The following GNAS variants were observed in gnomAD, a reference collection of about 807,000 sequenced individuals.
GNAS encodes the protein protein ALEX.
In GNAS, 8 loss-of-function variants were observed where a neutral mutation model predicts 54.5. The ratio of observed to expected loss-of-function variants is 0.15; its 90% CI spans 0.09 to 0.26. The LOEUF (loss-of-function observed/expected upper bound fraction) is 0.26. Ranked by LOEUF, GNAS falls within the 10% of genes least tolerant of loss-of-function variation. The pLI is 1.00. For synonymous variants in GNAS, 204 were observed against 191.4 expected (o/e 1.07, Z -0.54); for missense variants, 170 against 529.8 (o/e 0.32, Z 6.67).
At chr20:58,840,400 C>G (rs1800902), upstream of GNAS, 1 of 1,613,496 alleles carries the variant, frequency 6.2e-7, no homozygotes, top group South Asian at 1.1e-5. The surrounding 1 kb of genome is among the most constrained non-coding windows in gnomAD (Gnocchi z 6.0). Flanking sequence ...TGTCCCTCCC[C>G]GAGTGCCTAG....
At chr20:58,849,246 TGCA>T (rs2086056587) in intron 1 of GNAS, among the ~76,000 whole-genome samples, 1 of 152,130 alleles carries the variant, frequency 6.6e-6, no homozygotes, top group Non-Finnish European at 1.5e-5. Context: ...ATACCACCAG[TGCA>T]GAGGCTAAAA....
intron 1 of GNAS, among the ~76,000 whole-genome samples, chr20:58,862,074 C>CT (rs1056145168): frequency 7.2e-5 from 11 of 152,154 alleles, no homozygotes; most frequent in African/African-American, 2.4e-4. Context: ...AATCTGGAGT[C>CT]TTTTTTAAAG....
chr20:58,855,067 G>A (rs1376619714), intron 1 of GNAS: 2 of 1,613,248 alleles, frequency 1.2e-6, no homozygotes, highest in South Asian at 1.1e-5. Context: ...CGCCGCCGCC[G>A]AAAGCCCCAG....
chr20:58,904,482 C>T (rs1167218175), intron 5 of GNAS, among the ~76,000 whole-genome samples: 1 of 152,244 alleles, frequency 6.6e-6, no homozygotes. Context: ...GAACAAAAAA[C>T]TGTTCAAGCC....
chr20:58,850,116 C>A (rs1012140586), intron 1 of GNAS, among the ~76,000 whole-genome samples: 4 of 152,154 alleles, frequency 2.6e-5, no homozygotes, highest in Non-Finnish European at 5.9e-5. Context: ...GTGGGCAAAC[C>A]GTCTCCCATC....
intron 1 of GNAS, among the ~76,000 whole-genome samples, chr20:58,850,102 C>G (rs2086097834): frequency 6.6e-6 from 1 of 152,138 alleles, no homozygotes; most frequent in Non-Finnish European, 1.5e-5. Flanking sequence ...ATCCTTTGTT[C>G]GTGGTGGGCA....
Position 58,853,319 on chromosome 20 carries a change from C to G in GNAS, c.43+12433C>G. The G allele has an allele frequency of 6.5e-7, 1 of 1,549,434 alleles. No individual in the cohort carries two copies. The highest frequency in any genetic ancestry group is 8.7e-7 in the Non-Finnish European group (1 of 1,145,866). ...ATAATATGTCAGGACAACGCGATAT[C>G]CCCCCTGAAATCGGGGAACAGCCCG... On this transcript the variant is annotated intron_variant, in intron 1 of 12. Transcript: ENST00000306090. The surrounding 1 kb of genome is among the most constrained non-coding windows in gnomAD (Gnocchi z 4.4).
At chr20:58,865,042 T>G (rs979110748) in intron 1 of GNAS, among the ~76,000 whole-genome samples, 2 of 152,132 alleles carry the variant, frequency 1.3e-5, no homozygotes, top group Non-Finnish European at 2.9e-5. Flanking sequence ...CCCTCATTGA[T>G]AACTACTGCC....
intron 1 of GNAS, chr20:58,855,124 T>C (rs776977948): frequency 6.2e-7 from 1 of 1,613,718 alleles, no homozygotes. Context: ...GGGGGCTGCT[T>C]CGGTCGATCT....
intron 1 of GNAS, chr20:58,850,894 G>C: frequency 2.5e-6 from 1 of 398,766 alleles, no homozygotes; most frequent in Non-Finnish European, 4.4e-6. Context: ...TTCCAACGCG[G>C]CGCCCCCTAT....
intron 1 of GNAS, chr20:58,892,155 C>T (rs542348535): frequency 1.7e-5 from 16 of 932,892 alleles, no homozygotes; most frequent in East Asian, 1.2e-4. Context: ...CGCTCTCCCC[C>T]TCTTTCTCTC....
rs1040085351 is a variant in GNAS at position 58,840,924 on chromosome 20, G to C, written c.43+38G>C. On this transcript the variant is annotated intron_variant, in intron 1 of 12. Coordinates refer to the GNAS transcript ENST00000306090. The surrounding 1 kb of genome is among the most constrained non-coding windows in gnomAD (Gnocchi z 6.0). ...CCGCTAAACTGGGGAGCCTGAGGGC[G>C]GTGTGGGAGCAGCGCAGGTGGAAAG... 2 of 1,606,838 alleles carry C rather than the reference G, an allele frequency of 1.2e-6. No individual in the cohort carries two copies. Among genetic ancestry groups the C allele is most frequent in the Admixed American group, 1.7e-5 (1 of 59,436 alleles).
At chr20:58,847,945 C>G (rs1225061101) in intron 1 of GNAS, among the ~76,000 whole-genome samples, 1 of 152,206 alleles carries the variant, frequency 6.6e-6, no homozygotes, top group Admixed American at 6.5e-5. Flanking sequence ...AGAGGTGAGA[C>G]TGTTTGGGAG....
intron 1 of GNAS, among the ~76,000 whole-genome samples, chr20:58,847,681 G>A (rs1323394292): frequency 1.3e-5 from 2 of 152,172 alleles, no homozygotes; most frequent in East Asian, 1.9e-4. Context: ...CTGCAAAGCC[G>A]CAGACCAAAA....
At chr20:58,860,400 GTTT>G (rs2086724124) in intron 1 of GNAS, among the ~76,000 whole-genome samples, 6 of 150,134 alleles carry the variant, frequency 4.0e-5, no homozygotes, top group Admixed American at 2.7e-4. Context: ...TCTTGTTTAG[GTTT>G]CCACTAAATA....
At chr20:58,852,294 A>G (rs538264164) in intron 1 of GNAS, among the ~76,000 whole-genome samples, 2 of 152,168 alleles carry the variant, frequency 1.3e-5, no homozygotes, top group South Asian at 4.2e-4. Context: ...ACCGGAGCCA[A>G]CCTCAGCAAG....
intron 1 of GNAS, among the ~76,000 whole-genome samples, chr20:58,866,104 G>A (rs951126350): frequency 8.5e-5 from 13 of 152,200 alleles, no homozygotes; most frequent in Non-Finnish European, 1.9e-4. Context: ...CACTTTATAT[G>A]TGTTCCCCAA....
chr20:58,880,661 C>G (rs2088170044), intron 1 of GNAS, among the ~76,000 whole-genome samples: 1 of 152,124 alleles, frequency 6.6e-6, no homozygotes, highest in African/African-American at 2.4e-5. Context: ...TTGTTTGTTT[C>G]CCTGGGGTTT....
At chr20:58,849,840 C>G (rs2145530286) in intron 1 of GNAS, among the ~76,000 whole-genome samples, 1 of 152,340 alleles carries the variant, frequency 6.6e-6, no homozygotes, top group Admixed American at 6.5e-5. Flanking sequence ...TGTTCTCGAT[C>G]AGGATCATCC....
Sources: gnomAD v4.1 joint callset for allele counts (sites outside exome capture counted in the v4.1 genomes callset) on GRCh38, gnomAD v4.1.1 for gene constraint, Gnocchi (gnomAD v3.1) non-coding constraint, MANE v1.5 for transcripts, NCBI Gene and HGNC (gene_info 2026-07-23, HGNC 2026-07-21) for gene names.